The following RTKN2 variants were observed in gnomAD, a reference collection of about 807,000 sequenced individuals.
RTKN2 encodes the protein rhotekin 2.
A neutral mutation model predicts 71.5 loss-of-function variants in RTKN2; 69 were observed. The ratio of observed to expected loss-of-function variants is 0.96; its 90% CI spans 0.79 to 1.18. The LOEUF (loss-of-function observed/expected upper bound fraction) is 1.18. Among genes scored for constraint, RTKN2 ranks in the 50% most tolerant of loss-of-function variants. RTKN2 has a pLI of 0.00. For synonymous variants in RTKN2, 236 were observed against 236.5 expected, an observed-to-expected ratio of 1.00 and a Z score of 0.02; for missense variants, 724 against 719.7, an observed-to-expected ratio of 1.01 and a Z score of -0.07.
At chr10:62,258,153 T>C (rs1842708157) in intron 2 of RTKN2, among the ~76,000 whole-genome samples, 1 of 152,196 alleles carries the variant, frequency 6.6e-6, no homozygotes, top group African/African-American at 2.4e-5. Flanking sequence ...TGGTTCCTCA[T>C]CTAAAGCAGA....
chr10:62,252,474 A>G (rs1259580493), intron 2 of RTKN2, among the ~76,000 whole-genome samples: 2 of 152,162 alleles, frequency 1.3e-5, no homozygotes, highest in African/African-American at 4.8e-5. Flanking sequence ...GATTTTGGAA[A>G]GTACAACGGA....
At chr10:62,234,234 AAATTC>A (rs928891123) in intron 6 of RTKN2, among the ~76,000 whole-genome samples, 1 of 152,146 alleles carries the variant, frequency 6.6e-6, no homozygotes, top group Non-Finnish European at 1.5e-5. Flanking sequence ...AACATTATAA[AAATTC>A]AAGGCTGGGT....
chr10:62,214,130 A>G (rs1418894124), intron 9 of RTKN2, among the ~76,000 whole-genome samples: 2 of 151,876 alleles, frequency 1.3e-5, no homozygotes, highest in Non-Finnish European at 2.9e-5. Context: ...AGGAAAACAG[A>G]ATACTTTGTC....
intron 7 of RTKN2, among the ~76,000 whole-genome samples, chr10:62,221,335 A>C (rs1841901691): frequency 6.6e-6 from 1 of 152,094 alleles, no homozygotes; most frequent in African/African-American, 2.4e-5. Flanking sequence ...AATTCAAACA[A>C]GGAAAAATTG....
intron 1 of RTKN2, among the ~76,000 whole-genome samples, chr10:62,267,469 TAACAGGA>T (rs1190550294): frequency 4.6e-5 from 7 of 152,142 alleles, no homozygotes; most frequent in African/African-American, 1.4e-4. Flanking sequence ...CCAAAGTACA[TAACAGGA>T]CAGGACTGAA....
intron 2 of RTKN2, among the ~76,000 whole-genome samples, chr10:62,250,778 T>A (rs1187053884): frequency 6.6e-6 from 1 of 152,094 alleles, no homozygotes; most frequent in Non-Finnish European, 1.5e-5. Flanking sequence ...TACAGGCACA[T>A]GCCACCATGC....
downstream of RTKN2, among the ~76,000 whole-genome samples, chr10:62,188,853 T>C (rs1036264099): frequency 3.9e-5 from 6 of 151,994 alleles, no homozygotes; most frequent in Non-Finnish European, 8.8e-5. Flanking sequence ...GTTCACACCA[T>C]TCTCTTGCCT....
chr10:62,235,512 T>C (rs1842237356), intron 6 of RTKN2, among the ~76,000 whole-genome samples: 2 of 152,136 alleles, frequency 1.3e-5, no homozygotes, highest in South Asian at 4.1e-4. Flanking sequence ...CTCCAAAATC[T>C]GAAACTTTTT....
downstream of RTKN2, among the ~76,000 whole-genome samples, chr10:62,189,611 A>G (rs1018302037): frequency 8.5e-5 from 13 of 152,268 alleles, no homozygotes; most frequent in African/African-American, 3.1e-4. Context: ...AGATCACCTG[A>G]GGTCAGGAGT....
Position 62,196,099 on chromosome 10 carries a change from T to A in RTKN2, c.*1809A>T. On this transcript the variant is annotated 3_prime_UTR_variant, in exon 12 of 12. Coordinates refer to ENST00000373789, the MANE Select transcript of RTKN2 (RefSeq NM_145307.4). ...CTTCAAAACAATTTTCCCTGCAGCA[T>A]CTTCTAGCTCAATAATTTAGTGGCA... 3 of 984,982 alleles carry A rather than the reference T, an allele frequency of 3.0e-6. No homozygotes were observed. The highest frequency in any genetic ancestry group is 3.6e-6 in the Non-Finnish European group (3 of 829,840). 61.0% of individuals were successfully genotyped at this position (984,982 alleles called of 1,614,324 possible).
intron 9 of RTKN2, among the ~76,000 whole-genome samples, chr10:62,215,516 CT>C (rs1319936278): frequency 6.6e-6 from 1 of 151,938 alleles, no homozygotes; most frequent in African/African-American, 2.4e-5. Context: ...GCAATTTCTT[CT>C]GTATATTAGA....
At chr10:62,237,385 TCA>T (rs1842280424) in intron 5 of RTKN2, among the ~76,000 whole-genome samples, 2 of 151,958 alleles carry the variant, frequency 1.3e-5, no homozygotes, top group African/African-American at 4.8e-5. Context: ...ACAGAATCTC[TCA>T]GTGTTTATTT....
At position 62,194,436 on chromosome 10, in the gene RTKN2, A is replaced by G. The variant is rs1440120019; in HGVS notation, c.*3472T>C. The G allele has an allele frequency of 1.5e-5, 15 of 976,876 alleles. No individual in the cohort carries two copies. Among genetic ancestry groups the G allele is most frequent in the Non-Finnish European group, 1.8e-5 (15 of 822,272 alleles). The allele number at this position is 976,876 out of a possible 1,614,324, so 60.5% of individuals were successfully genotyped here. A position where few individuals can be genotyped will look rare whatever the true frequency, so the allele number is the denominator to read the frequency against. On this transcript the variant is annotated 3_prime_UTR_variant, in exon 12 of 12. Transcript: ENST00000373789. ...AAGACTAACAGTGAAGATGGCTACTAGAATATAAATGGTCATCAGTTAAAG... is the reference window on the plus strand; with the variant it reads ...AAGACTAACAGTGAAGATGGCTACTGGAATATAAATGGTCATCAGTTAAAG...
chr10:62,262,512 G>C, intron 2 of RTKN2, 113 bp downstream of exon 2: 1 of 706,650 alleles, frequency 1.4e-6, no homozygotes, highest in Non-Finnish European at 2.3e-6. Flanking sequence ...CAGTGTATTT[G>C]TTTTTTAAAA....
intron 7 of RTKN2, among the ~76,000 whole-genome samples, chr10:62,218,768 T>C (rs545231942): frequency 4.6e-5 from 7 of 152,190 alleles, no homozygotes; most frequent in African/African-American, 1.4e-4. Flanking sequence ...GGCGGATCAC[T>C]TGAGGTCAGG....
chr10:62,252,894 T>C (rs893850064), intron 2 of RTKN2, among the ~76,000 whole-genome samples: 5 of 152,042 alleles, frequency 3.3e-5, no homozygotes, highest in Non-Finnish European at 7.4e-5. Flanking sequence ...TAGTAACTAC[T>C]ATGACTTATA....
chr10:62,221,316 T>G (rs1271647203), intron 7 of RTKN2, among the ~76,000 whole-genome samples: 1 of 151,938 alleles, frequency 6.6e-6, no homozygotes, highest in Non-Finnish European at 1.5e-5. Flanking sequence ...AAAAAGGATG[T>G]ATAACCTTAA....
chr10:62,214,425 A>T (rs1378224064), intron 9 of RTKN2, among the ~76,000 whole-genome samples: 2 of 152,086 alleles, frequency 1.3e-5, no homozygotes, highest in Non-Finnish European at 2.9e-5. Flanking sequence ...GAAACACTGG[A>T]ATTTGCAAGT....
rs1402766921 is a variant in RTKN2 at position 62,194,039 on chromosome 10, C to T, written c.*3869G>A. ...TTTTAATGTACAGAAGTTTCAATTA[C>T]ATGACTTGGGCTCGCTTACCAAATA... On this transcript the variant is annotated 3_prime_UTR_variant, in exon 12 of 12. Transcript: ENST00000373789. 1 of 983,488 alleles carries T rather than the reference C, an allele frequency of 1.0e-6. No homozygotes were observed. The highest frequency in any genetic ancestry group is 1.2e-6 in the Non-Finnish European group (1 of 828,282). The allele number at this position is 983,488 out of a possible 1,614,324, so 60.9% of individuals were successfully genotyped here. A position where few individuals can be genotyped will look rare whatever the true frequency, so the allele number is the denominator to read the frequency against.
Sources: allele counts gnomAD v4.1 joint callset (sites outside exome capture counted in the v4.1 genomes callset), GRCh38; gene constraint gnomAD v4.1.1; transcripts MANE v1.5; gene names NCBI Gene and HGNC (gene_info 2026-07-23, HGNC 2026-07-21).